SESN1: variants seen among roughly 807,000 people sequenced by gnomAD.
The protein encoded by SESN1 is sestrin 1, also known as sestrin-1.
A neutral mutation model predicts 59.3 loss-of-function variants in SESN1; 30 were observed. The observed-to-expected ratio is 0.51, with a 90% CI of 0.38 to 0.69. The LOEUF (loss-of-function observed/expected upper bound fraction) is 0.69. Among genes scored for constraint, SESN1 ranks in the 30% least tolerant of loss-of-function variants. The pLI is 0.00. For missense variants in SESN1, 566 were observed against 673.0 expected (o/e 0.84, Z 1.76); for synonymous variants, 197 against 219.9 (o/e 0.90, Z 0.92).
At chr6:109,056,899 T>C (rs1171788123) in intron 1 of SESN1, among the ~76,000 whole-genome samples, 1 of 152,172 alleles carries the variant, frequency 6.6e-6, no homozygotes, top group Non-Finnish European at 1.5e-5. Flanking sequence ...TAAAAGACAT[T>C]GCAACTTCCA....
intron 1 of SESN1, among the ~76,000 whole-genome samples, chr6:109,064,999 T>C (rs1780798923): frequency 6.6e-6 from 1 of 152,144 alleles, no homozygotes; most frequent in Non-Finnish European, 1.5e-5. Flanking sequence ...TGTCCTCTTG[T>C]TTTCCTCATC....
intron 5 of SESN1, among the ~76,000 whole-genome samples, chr6:108,996,460 T>A (rs1203265579): frequency 6.6e-6 from 1 of 152,182 alleles, no homozygotes; most frequent in African/African-American, 2.4e-5. Flanking sequence ...AAAAAAGATC[T>A]CTGTCAACTC....
chr6:109,013,034 T>G (rs930354419), intron 1 of SESN1, among the ~76,000 whole-genome samples: 3 of 151,616 alleles, frequency 2.0e-5, no homozygotes, highest in Non-Finnish European at 4.4e-5. Flanking sequence ...GAGAATTGCT[T>G]GAACCCGGGA....
At chr6:109,039,976 A>G (rs949957824) in intron 1 of SESN1, among the ~76,000 whole-genome samples, 2 of 152,234 alleles carry the variant, frequency 1.3e-5, no homozygotes, top group African/African-American at 4.8e-5. Flanking sequence ...ATGTGTATGT[A>G]CCAACAGTCA....
intron 1 of SESN1, among the ~76,000 whole-genome samples, chr6:109,022,096 T>C (rs1043605669): frequency 6.6e-5 from 10 of 152,032 alleles, no homozygotes; most frequent in Non-Finnish European, 1.5e-4. Context: ...ACAACATCCA[T>C]ATCTTCTTCC....
At chr6:109,012,900 G>A (rs1461718822) in intron 1 of SESN1, among the ~76,000 whole-genome samples, 2 of 152,028 alleles carry the variant, frequency 1.3e-5, no homozygotes, top group Non-Finnish European at 2.9e-5. Context: ...CGGATCACAA[G>A]GTCAGGAGCT....
At chr6:109,019,243 T>A (rs1337853492) in intron 1 of SESN1, among the ~76,000 whole-genome samples, 2 of 152,152 alleles carry the variant, frequency 1.3e-5, no homozygotes, top group Non-Finnish European at 2.9e-5. Flanking sequence ...ATCTGTATCC[T>A]GGAACTCACA....
At chr6:109,045,504 T>TGA (rs1780414213) in intron 1 of SESN1, among the ~76,000 whole-genome samples, 1 of 152,254 alleles carries the variant, frequency 6.6e-6, no homozygotes, top group African/African-American at 2.4e-5. Flanking sequence ...CCAATGATAC[T>TGA]GAGTTCAACT....
At chr6:109,022,854 TTAGAACTCAA>T (rs1780034392) in intron 1 of SESN1, among the ~76,000 whole-genome samples, 2 of 152,248 alleles carry the variant, frequency 1.3e-5, no homozygotes, top group African/African-American at 4.8e-5. Context: ...TGAGTAAAGG[TTAGAACTCAA>T]GCATATTCTT....
At chr6:109,081,207 A>G (rs552098000) in intron 1 of SESN1, among the ~76,000 whole-genome samples, 10 of 152,136 alleles carry the variant, frequency 6.6e-5, no homozygotes, top group African/African-American at 2.4e-4. Context: ...TTACCTCCCA[A>G]GGAACTGGGA....
At chr6:109,003,189 A>G (rs1298487741) in intron 1 of SESN1, among the ~76,000 whole-genome samples, 2 of 151,894 alleles carry the variant, frequency 1.3e-5, no homozygotes, top group African/African-American at 2.4e-5. Flanking sequence ...TTTGAGGCCT[A>G]TGTCCTATCT....
Position 108,990,789 on chromosome 6 carries a change from T to A in SESN1, c.1280A>T (p.Tyr427Phe), listed in dbSNP as rs937114076. Residue 427 changes from tyrosine (Y) to phenylalanine (F), a missense_variant, in exon 8 of 10, where the codon TAT becomes TTT. Tyr to Phe is a conservative substitution (Grantham distance 22). Coordinates refer to ENST00000436639, the MANE Select transcript of SESN1 (RefSeq NM_014454.3). The stretch of plus-strand genomic sequence containing the variant: ...ATCAATCAACTGTCCCACATCTGGA[T>A]AAAGGCGATTTACCAAAGAATAACC... Reference protein sequence around the residue: ...DHGYSLVNRLYPDVGQLIDEK... With the variant: ...DHGYSLVNRLFPDVGQLIDEK... 6 of 1,613,986 alleles carry A rather than the reference T, an allele frequency of 3.7e-6. No homozygotes were observed. The Admixed American group carries it at 5.0e-5, about 13-fold the overall frequency.
At chr6:109,031,449 A>T (rs996229719) in intron 1 of SESN1, among the ~76,000 whole-genome samples, 1 of 152,128 alleles carries the variant, frequency 6.6e-6, no homozygotes, top group Non-Finnish European at 1.5e-5. Context: ...ACCTGCTGGA[A>T]TCATTCCTAG....
At chr6:109,042,496 C>A (rs1780357828) in intron 1 of SESN1, among the ~76,000 whole-genome samples, 3 of 145,778 alleles carry the variant, frequency 2.1e-5, no homozygotes, top group Non-Finnish European at 3.0e-5. Context: ...CATAAATTAC[C>A]AATATCTATT....
chr6:109,019,967 A>G (rs1426877583), intron 1 of SESN1, among the ~76,000 whole-genome samples: 1 of 152,228 alleles, frequency 6.6e-6, no homozygotes, highest in East Asian at 1.9e-4. Context: ...TAAAAAATCT[A>G]AACTTCAAAA....
chr6:109,058,705 G>C (rs112123945), intron 1 of SESN1, among the ~76,000 whole-genome samples: 5,173 of 152,214 alleles, frequency 0.034, 300 homozygotes, highest in African/African-American at 0.12. Context: ...TACAATTGCT[G>C]AGAGATAGAA....
In SESN1 at chr6:108,987,496, A is replaced by C; in HGVS notation, c.*48T>G. 9.5e-7 allele frequency: 1 copy of C among 1,054,202 alleles called. No individual in the cohort carries two copies. The highest frequency in any genetic ancestry group is 1.5e-6 in the Non-Finnish European group (1 of 682,538). The allele number at this position is 1,054,202 out of a possible 1,614,324, so 65.3% of individuals were successfully genotyped here. ...GGGCTTAGTACCTTCCCCCTTGTAG[A>C]CTATATCTGCTGATCATTCCAGAAT... On this transcript the variant is annotated 3_prime_UTR_variant, in exon 10 of 10. Coordinates refer to ENST00000436639, the MANE Select transcript of SESN1 (RefSeq NM_014454.3).
In SESN1 at chr6:109,069,727, T is replaced by C. The variant is rs1780898282; in HGVS notation, c.279+24068A>G. Among the ~76,000 whole-genome samples, 3 of 149,382 alleles carry C rather than the reference T, an allele frequency of 2.0e-5. 1 individual carries two copies. The highest frequency in any genetic ancestry group is 1.9e-4 in the East Asian group (1 of 5,174). ...TAGCTAATTTTTACTTTTTATTTTT[T>C]TGTTGAGATGGTGGGAGGGGGGGTC... On this transcript the variant is annotated intron_variant, in intron 1 of 9. Transcript: ENST00000436639.
chr6:109,044,938 G>A (rs1439770380), intron 1 of SESN1, among the ~76,000 whole-genome samples: 2 of 151,906 alleles, frequency 1.3e-5, no homozygotes, highest in East Asian at 1.9e-4. Flanking sequence ...CAAGAGAATC[G>A]GTTGAACCCA....
Sources: gnomAD v4.1 joint callset for allele counts (sites outside exome capture counted in the v4.1 genomes callset) on GRCh38, gnomAD v4.1.1 for gene constraint, MANE v1.5 for transcripts, NCBI Gene and HGNC (gene_info 2026-07-23, HGNC 2026-07-21) for gene names.